PACRG: variants seen among roughly 807,000 people sequenced by gnomAD.
PACRG encodes parkin coregulated gene protein.
In PACRG, 29 loss-of-function variants were observed where a neutral mutation model predicts 29.7. The ratio of observed to expected loss-of-function variants is 0.98; its 90% confidence interval spans 0.73 to 1.33. The LOEUF is 1.33. Ranked by LOEUF, PACRG falls within the 40% of genes most tolerant of loss-of-function variation. The pLI is 0.00. For synonymous variants in PACRG, 116 were observed against 118.7 expected (o/e 0.98, Z 0.15); for missense variants, 279 against 316.2 (o/e 0.88, Z 0.89).
chr6:162,886,909 T>C (rs947731356), intron 2 of PACRG, among the ~76,000 whole-genome samples: 3 of 152,152 alleles, frequency 2.0e-5, no homozygotes, highest in African/African-American at 2.4e-5. Flanking sequence ...GTTATTATTA[T>C]TATTAGTATT....
intron 2 of PACRG, among the ~76,000 whole-genome samples, chr6:162,968,192 G>C (rs560444391): frequency 1.3e-5 from 2 of 152,114 alleles, no homozygotes; most frequent in Admixed American, 1.3e-4. Flanking sequence ...CACTGTGTTA[G>C]AACACCAAAT....
chr6:163,151,487 C>T (rs556321868), intron 4 of PACRG, among the ~76,000 whole-genome samples: 19 of 152,258 alleles, frequency 1.2e-4, no homozygotes, highest in African/African-American at 4.6e-4. Flanking sequence ...ACAAATAAGG[C>T]CTCCAAAGCA....
chr6:162,903,722 G>T (rs907884048), intron 2 of PACRG, among the ~76,000 whole-genome samples: 6 of 152,122 alleles, frequency 3.9e-5, no homozygotes, highest in African/African-American at 1.4e-4. Flanking sequence ...CCGTATCAGG[G>T]AATATATACT....
chr6:163,179,646 G>A (rs1317039965), intron 4 of PACRG, among the ~76,000 whole-genome samples: 1 of 151,420 alleles, frequency 6.6e-6, no homozygotes, highest in Non-Finnish European at 1.5e-5. Flanking sequence ...GCAGTTTGAT[G>A]CTGCAGTGAG....
chr6:162,798,947 G>A lies in PACRG; in HGVS notation c.157-15200G>A, dbSNP rs539092946. Among the ~76,000 whole-genome samples, 89 of 152,192 alleles carry A rather than the reference G, an allele frequency of 5.8e-4. 1 individual carries two copies. The South Asian group carries it at 0.015, about 26-fold the overall frequency. On this transcript the variant is annotated intron_variant, in intron 1 of 4. Transcript: ENST00000366888. Reference sequence around the variant, plus strand: ...CCAATTCTATTCAAATCATGTAATCGTATGCATGCATCAAAGTAAATAACG... The same window carrying A: ...CCAATTCTATTCAAATCATGTAATCATATGCATGCATCAAAGTAAATAACG...
chr6:162,731,863 G>A (rs1779795630), intron 1 of PACRG, among the ~76,000 whole-genome samples: 1 of 152,146 alleles, frequency 6.6e-6, no homozygotes, highest in Non-Finnish European at 1.5e-5. Flanking sequence ...TAAGATGGAA[G>A]TTGTTTCTCT....
At chr6:163,292,483 C>A (rs1481830749) in intron 4 of PACRG, among the ~76,000 whole-genome samples, 4 of 152,204 alleles carry the variant, frequency 2.6e-5, no homozygotes, top group Non-Finnish European at 5.9e-5. Flanking sequence ...CTCACTGCAA[C>A]CTCCACCTCT....
chr6:163,287,306 G>A (rs12525605), intron 4 of PACRG, among the ~76,000 whole-genome samples: 30,914 of 152,114 alleles, frequency 0.2, 3,306 homozygotes, highest in African/African-American at 0.24. Context: ...TCTGAACAAC[G>A]TTTTGGAAAC....
At chr6:162,772,459 A>T (rs1332606335) in intron 1 of PACRG, among the ~76,000 whole-genome samples, 1 of 152,232 alleles carries the variant, frequency 6.6e-6, no homozygotes, top group Non-Finnish European at 1.5e-5. Context: ...AGAGTAAAAT[A>T]AAATTTGGGA....
intron 3 of PACRG, among the ~76,000 whole-genome samples, 163 bp from the exon 4 acceptor site, chr6:163,089,096 A>G (rs1481679607): frequency 6.6e-6 from 1 of 152,204 alleles, no homozygotes; most frequent in African/African-American, 2.4e-5. Context: ...TTAAAACATT[A>G]GGGTTGCAAT....
chr6:162,916,336 A>G (rs1448510581), intron 2 of PACRG, among the ~76,000 whole-genome samples: 2 of 152,108 alleles, frequency 1.3e-5, no homozygotes, highest in East Asian at 1.9e-4. Context: ...TTGGCTTTCA[A>G]CAGTTGGACT....
At chr6:162,798,262 C>G (rs1785548355) in intron 1 of PACRG, among the ~76,000 whole-genome samples, 1 of 152,180 alleles carries the variant, frequency 6.6e-6, no homozygotes. Flanking sequence ...GTGGGTCCCT[C>G]TTCTGCCTCT....
chr6:163,215,795 C>A (rs1302017378), intron 4 of PACRG, among the ~76,000 whole-genome samples: 1 of 152,112 alleles, frequency 6.6e-6, no homozygotes, highest in Non-Finnish European at 1.5e-5. Context: ...ACAGGAGAGA[C>A]AGAAAAGTCA....
At position 163,070,771 on chromosome 6, in the gene PACRG, T is replaced by TA. The variant is rs201411698; in HGVS notation, c.463+8462dup. 6.6e-3 allele frequency among the ~76,000 whole-genome samples: 935 copies of TA among 142,048 alleles called. 21 individuals carry two copies. The East Asian group carries it at 0.07, about 11-fold the overall frequency. The allele number at this position is 142,048 out of a possible 152,430, so 93.2% of individuals were successfully genotyped here. ...AAGGCACAGAGTAGCTGAATTGATT[T>TA]AAAAAAAAAAAAGACCTAATGATCT... On this transcript the variant is annotated intron_variant, in intron 3 of 4. Coordinates refer to ENST00000366888, the MANE Select transcript of PACRG (RefSeq NM_001080379.2).
intron 1 of PACRG, among the ~76,000 whole-genome samples, chr6:162,788,279 A>G (rs1220503287): frequency 6.6e-6 from 1 of 152,160 alleles, no homozygotes; most frequent in East Asian, 1.9e-4. Context: ...GCCTTTGAAG[A>G]TGAGCATCTT....
chr6:163,152,561 CA>C (rs1477153842), intron 4 of PACRG, among the ~76,000 whole-genome samples: 2 of 152,202 alleles, frequency 1.3e-5, no homozygotes, highest in African/African-American at 4.8e-5. Flanking sequence ...GGAAGGACCT[CA>C]ATGTATAACT....
At chr6:163,311,394 A>G (rs981736602) in intron 4 of PACRG, among the ~76,000 whole-genome samples, 1 of 152,238 alleles carries the variant, frequency 6.6e-6, no homozygotes, top group African/African-American at 2.4e-5. Flanking sequence ...ATCAGAATTG[A>G]CAATTGTAAA....
intron 2 of PACRG, among the ~76,000 whole-genome samples, chr6:162,966,841 A>G (rs1318331641): frequency 6.6e-6 from 1 of 152,150 alleles, no homozygotes; most frequent in Non-Finnish European, 1.5e-5. Flanking sequence ...AATTGCTTTA[A>G]TTAGTAAGAA....
chr6:163,046,794 A>G (rs926682317), intron 2 of PACRG: 4 of 152,180 alleles, frequency 2.6e-5, no homozygotes, highest in Non-Finnish European at 5.9e-5. Flanking sequence ...CAATGCTATA[A>G]CTATTGTAGC....
Sources: allele counts gnomAD v4.1 joint callset (sites outside exome capture counted in the v4.1 genomes callset), GRCh38; gene constraint gnomAD v4.1.1; transcripts MANE v1.5; gene names NCBI Gene and HGNC (gene_info 2026-07-23, HGNC 2026-07-21).